Variants in NLRP7 observed in about 807,000 individuals in gnomAD.
NLRP7 encodes NLR family pyrin domain containing 7.
In NLRP7, 72 loss-of-function variants were observed where a neutral mutation model predicts 85.5. The observed-to-expected ratio is 0.84, with a 90% CI of 0.70 to 1.02. The LOEUF is 1.02. Among genes scored for constraint, NLRP7 ranks in the 50% least tolerant of loss-of-function variants. NLRP7 has a pLI of 0.00. For synonymous variants in NLRP7, 550 were observed against 505.2 expected (o/e 1.09, Z -1.19); for missense variants, 1,243 against 1,219.5 (o/e 1.02, Z -0.29).
At chr19:54,940,112 T>A in exon 4 of NLRP7, 1 of 1,614,178 alleles carries the variant, frequency 6.2e-7, no homozygotes, top group Non-Finnish European at 8.5e-7. Context: ...TGGAATGTCA[T>A]CCTGCAATTC....
At position 54,934,683 on chromosome 19, in the gene NLRP7, A is replaced by G. The variant is rs765671405; in HGVS notation, c.2301-24T>C. On this transcript the variant is annotated intron_variant, in intron 6 of 9. Transcript: ENST00000340844. The surrounding 1 kb of genome is among the most constrained non-coding windows in gnomAD (Gnocchi z 6.7). ...ACCTGTGAAAAGAGTGGGAAAAGTC[A>G]TTCTTCTGGGAGGACAGAGTATACC... 4.4e-6 allele frequency: 7 copies of G among 1,601,638 alleles called. No individual in the cohort carries two copies. The highest frequency in any genetic ancestry group is 6.0e-6 in the Non-Finnish European group (7 of 1,172,938).
At chr19:54,956,607 T>C (rs2069862467) in intron 1 of NLRP7, among the ~76,000 whole-genome samples, 1 of 150,810 alleles carries the variant, frequency 6.6e-6, no homozygotes, top group African/African-American at 2.4e-5. Context: ...GGCAGGAGAA[T>C]CACTTGAACC....
At chr19:54,930,285 G>A (rs905535007) in intron 9 of NLRP7, among the ~76,000 whole-genome samples, 5 of 151,514 alleles carry the variant, frequency 3.3e-5, no homozygotes, top group African/African-American at 9.7e-5. Flanking sequence ...CGGGAAAGAT[G>A]ACAAGACCTC....
At chr19:54,956,783 C>T (rs759758258) in intron 1 of NLRP7, among the ~76,000 whole-genome samples, 1 of 151,492 alleles carries the variant, frequency 6.6e-6, no homozygotes, top group Non-Finnish European at 1.5e-5. Context: ...ACACCCAACA[C>T]CACGCCTTCT....
upstream of NLRP7, among the ~76,000 whole-genome samples, chr19:54,949,661 G>C (rs11673713): frequency 1.3e-5 from 2 of 151,974 alleles, no homozygotes; most frequent in Non-Finnish European, 1.5e-5. Context: ...CAAAGAAACC[G>C]TCAGTGATTA....
intron 5 of NLRP7, among the ~76,000 whole-genome samples, chr19:54,937,285 T>C (rs2068974348): frequency 6.6e-6 from 1 of 151,708 alleles, no homozygotes; most frequent in African/African-American, 2.4e-5. Context: ...GCTTAATACT[T>C]GGGTGACAAA....
At chr19:54,936,146 A>T in intron 6 of NLRP7, 115 bp downstream of exon 6, 1 of 894,120 alleles carries the variant, frequency 1.1e-6, no homozygotes, top group South Asian at 1.4e-5. Context: ...CTGTTTGAGG[A>T]ATACATTCCC....
At chr19:54,944,408 C>T (rs1237949427) in intron 1 of NLRP7, among the ~76,000 whole-genome samples, 1 of 152,104 alleles carries the variant, frequency 6.6e-6, no homozygotes, top group Non-Finnish European at 1.5e-5. Context: ...TTGTTTATGA[C>T]ACAGACATTT....
At chr19:54,955,199 C>T (rs62124619) in intron 1 of NLRP7, among the ~76,000 whole-genome samples, 3 of 145,794 alleles carry the variant, frequency 2.1e-5, no homozygotes, top group South Asian at 4.4e-4. Context: ...TGTGGTGGTG[C>T]GTGCCTGTAA....
At chr19:54,939,629 A>G in exon 4 of NLRP7, 12 of 1,611,050 alleles carry the variant, frequency 7.4e-6, no homozygotes, top group Non-Finnish European at 8.5e-6. Context: ...GCTGCAGAGG[A>G]AACGCAGGAA....
Position 54,939,989 on chromosome 19 carries a change from T to G in NLRP7, c.830A>C (p.Lys277Thr), listed in dbSNP as rs200613143. ...ACTCCCCAGGAGGACGGGCACCGGCTTCTTCTTCTCCCAGTCCCCGCAGAT... is the reference window on the plus strand; with the variant it reads ...ACTCCCCAGGAGGACGGGCACCGGCGTCTTCTTCTCCCAGTCCCCGCAGAT... The change falls in exon 4 of 10, where the codon AAG becomes ACG. Residue 277 changes from lysine (K) to threonine (T), a missense_variant. By Grantham distance (78) the Lys-to-Thr change is moderately conservative. This residue lies in a region of NLRP7 where 591 missense variants were observed against 563.3 expected (regional missense o/e 1.05). Coordinates refer to ENST00000340844, the Ensembl canonical transcript of NLRP7. The G allele has an allele frequency of 2.5e-4, 409 of 1,614,070 alleles. 2 individuals are homozygous for G. The highest frequency in any genetic ancestry group is 1.5e-5 in the Non-Finnish European group (18 of 1,179,952).
intron 1 of NLRP7, among the ~76,000 whole-genome samples, chr19:54,959,674 C>T (rs1452557781): frequency 6.6e-6 from 1 of 151,390 alleles, no homozygotes; most frequent in Non-Finnish European, 1.5e-5. Context: ...GCTGCCAAAG[C>T]AAATACTCTG....
At chr19:54,941,092 G>GA in intron 2 of NLRP7, 87 bp from the exon 3 acceptor site, 5 of 1,002,266 alleles carry the variant, frequency 5.0e-6, no homozygotes, top group Non-Finnish European at 4.8e-6. Flanking sequence ...AGCCAGGCAT[G>GA]GTGGCTCATG....
chr19:54,934,459 C>G lies in NLRP7; in HGVS notation c.2471+30G>C, dbSNP rs775326704. ...CTCTTCTATAGCCCCAGAACTAAAC[C>G]AGAGCTGCCCATGGGAAGAGGAGAC... On this transcript the variant is annotated intron_variant, in intron 7 of 9. Coordinates refer to ENST00000340844, the Ensembl canonical transcript of NLRP7. This position sits in a 1 kb window ranked among gnomAD's most constrained non-coding sequence, Gnocchi z 6.7. 5.0e-6 allele frequency: 8 copies of G among 1,612,680 alleles called. No individual in the cohort carries two copies. Among genetic ancestry groups the G allele is most frequent in the Non-Finnish European group, 5.9e-6 (7 of 1,178,720 alleles).
intron 8 of NLRP7, among the ~76,000 whole-genome samples, chr19:54,932,313 A>C (rs1445340745): frequency 6.6e-6 from 1 of 152,016 alleles, no homozygotes; most frequent in South Asian, 2.1e-4. Context: ...CTGTAATCCC[A>C]GCTACTTGGG....
At chr19:54,947,609 T>A (rs529368955), upstream of NLRP7, 662 of 1,289,526 alleles carry the variant, frequency 5.1e-4, 12 homozygotes, top group South Asian at 7.4e-3. Context: ...GAGATTAACA[T>A]TGGGTGGCTC....
intron 9 of NLRP7, among the ~76,000 whole-genome samples, chr19:54,924,111 G>C (rs894982063): frequency 1.3e-5 from 2 of 152,044 alleles, no homozygotes; most frequent in African/African-American, 2.4e-5. Flanking sequence ...GTGATTACAG[G>C]TGTGCACCAC....
intron 1 of NLRP7, among the ~76,000 whole-genome samples, chr19:54,962,166 A>G (rs1204754850): frequency 1.3e-5 from 2 of 148,484 alleles, no homozygotes; most frequent in African/African-American, 4.9e-5. Context: ...TCCATCTCAA[A>G]AAAAAAAAAA....
rs977673075 is a variant in NLRP7, at chr19:54,963,983, C to A, written c.-77+2057G>T. On this transcript the variant is annotated intron_variant, in intron 1 of 2. Transcript: ENST00000587103. Reference sequence around the variant, plus strand: ...GCAACCTCCGCCTCCTGGGTTCAAGCAATTCTCTGCTTCAGCCTCCCAAGT... The same window carrying A: ...GCAACCTCCGCCTCCTGGGTTCAAGAAATTCTCTGCTTCAGCCTCCCAAGT... 9.1e-4 allele frequency among the ~76,000 whole-genome samples: 135 copies of A among 148,582 alleles called. 1 individual carries two copies. The highest frequency in any genetic ancestry group is 3.2e-3 in the African/African-American group (131 of 40,612).
Sources: allele counts gnomAD v4.1 joint callset (sites outside exome capture counted in the v4.1 genomes callset), GRCh38; gene constraint gnomAD v4.1.1; regional missense constraint gnomAD v4.1.1; non-coding constraint Gnocchi (gnomAD v3.1); transcripts MANE v1.5; gene names NCBI Gene and HGNC (gene_info 2026-07-23, HGNC 2026-07-21).